Variants in C3orf18 observed in about 807,000 individuals in gnomAD.
C3orf18 encodes the protein uncharacterized protein C3orf18.
C3orf18 carries 12 observed loss-of-function variants against 14.1 expected under a neutral mutation model. That is an observed-to-expected ratio of 0.85 (90% confidence interval 0.55 to 1.38). C3orf18 has a LOEUF of 1.38. Ranked by LOEUF, C3orf18 falls within the 40% of genes most tolerant of loss-of-function variation. The pLI, the probability that C3orf18 is intolerant of heterozygous loss-of-function variation, is 0.00. For missense variants in C3orf18, 196 were observed against 213.9 expected, an observed-to-expected ratio of 0.92 and a Z score of 0.52; for synonymous variants, 82 against 87.9, an observed-to-expected ratio of 0.93 and a Z score of 0.38.
At chr3:50,572,585 G>A (rs1486832391), upstream of C3orf18, among the ~76,000 whole-genome samples, 2 of 152,224 alleles carry the variant, frequency 1.3e-5, no homozygotes, top group Non-Finnish European at 2.9e-5. Context: ...AAGTGGAGAG[G>A]GCTCCAGCCG....
intron 1 of C3orf18, among the ~76,000 whole-genome samples, 188 bp from the exon 2 acceptor site, chr3:50,566,282 A>C (rs114644068): frequency 0.044 from 6,648 of 151,832 alleles, 190 homozygotes; most frequent in Non-Finnish European, 0.068. Context: ...CCTGGAGGGA[A>C]ACACTTGCCC....
upstream of C3orf18, among the ~76,000 whole-genome samples, chr3:50,568,119 T>C (rs1700481325): frequency 6.6e-6 from 1 of 152,212 alleles, no homozygotes; most frequent in South Asian, 2.1e-4. Flanking sequence ...AAACTGCTTT[T>C]CCCTTCCTGA....
chr3:50,558,536 A>G lies in C3orf18; in HGVS notation c.*1121T>C. On this transcript the variant is annotated 3_prime_UTR_variant, in exon 6 of 6. Coordinates refer to ENST00000357203, the MANE Select transcript of C3orf18 (RefSeq NM_016210.5). ...AGGTGGGGAATTCAAACATAGACTA[A>G]GTTTTTTAGATGTTTTTCTGAAGTG... 2.3e-6 allele frequency: 1 copy of G among 433,928 alleles called. No homozygotes were observed. The highest frequency in any genetic ancestry group is 4.0e-6 in the Non-Finnish European group (1 of 252,168). 26.9% of individuals were successfully genotyped at this position (433,928 alleles called of 1,614,324 possible). A position where few individuals can be genotyped will look rare whatever the true frequency, so the allele number is the denominator to read the frequency against.
intron 3 of C3orf18, chr3:50,562,256 A>T (rs1167384449): frequency 2.9e-6 from 1 of 345,766 alleles, no homozygotes; most frequent in Non-Finnish European, 5.6e-6. Context: ...CTGGGGACTC[A>T]AGAGGCTCCC....
rs563809758 is a variant in C3orf18, at chr3:50,566,010, C to T, written c.-167G>A. 8 of 316,736 alleles carry T rather than the reference C, an allele frequency of 2.5e-5. No individual in the cohort carries two copies. Among genetic ancestry groups the T allele is most frequent in the South Asian group, 2.2e-4 (4 of 18,568 alleles). The allele number at this position is 316,736 out of a possible 1,614,324, so 19.6% of individuals were successfully genotyped here. On this transcript the variant is annotated 5_prime_UTR_variant, in exon 2 of 6. Transcript: ENST00000357203. ...AGGAGACATTAGGACACATACTTTA[C>T]GTATCTACGGTGCCCCTGTTTTTGG...
chr3:50,559,256 T>C lies in C3orf18; in HGVS notation c.*401A>G. The C allele has an allele frequency of 7.9e-7, 1 of 1,263,430 alleles. No homozygotes were observed. The highest frequency in any genetic ancestry group is 1.0e-6 in the Non-Finnish European group (1 of 978,904). The allele number at this position is 1,263,430 out of a possible 1,614,324, so 78.3% of individuals were successfully genotyped here. ...GGCTCCAGATTCCAAAAAACAGGTC[T>C]CTCCCTAACAGAGGGAAACCTCCCC... is the stretch of plus-strand genomic sequence containing the variant. On this transcript the variant is annotated 3_prime_UTR_variant, in exon 6 of 6. Transcript: ENST00000357203.
In C3orf18 at chr3:50,559,360, C is replaced by G; in HGVS notation, c.*297G>C. 13 of 1,312,756 alleles carry G rather than the reference C, an allele frequency of 9.9e-6. No individual in the cohort carries two copies. Among genetic ancestry groups the G allele is most frequent in the Non-Finnish European group, 1.3e-5 (13 of 1,022,588 alleles). The allele number at this position is 1,312,756 out of a possible 1,614,324, so 81.3% of individuals were successfully genotyped here. Reference sequence around the variant, plus strand: ...CGGGGCAGACCCTGATGTGAGGGATCTGGACAGGGGATGAGGAAGCCAGCA... The same window carrying G: ...CGGGGCAGACCCTGATGTGAGGGATGTGGACAGGGGATGAGGAAGCCAGCA... On this transcript the variant is annotated 3_prime_UTR_variant, in exon 6 of 6. Coordinates refer to ENST00000357203, the MANE Select transcript of C3orf18 (RefSeq NM_016210.5).
chr3:50,563,575 C>A (rs749040823), intron 3 of C3orf18, among the ~76,000 whole-genome samples: 1 of 152,140 alleles, frequency 6.6e-6, no homozygotes, highest in African/African-American at 2.4e-5. Context: ...CTGCCTGTAC[C>A]AAGCACTTTT....
At position 50,559,036 on chromosome 3, in the gene C3orf18, C is replaced by A; in HGVS notation, c.*621G>T. 2 of 1,289,746 alleles carry A rather than the reference C, an allele frequency of 1.6e-6. No homozygotes were observed. The highest frequency in any genetic ancestry group is 2.5e-5 in the South Asian group (2 of 81,026). The allele number at this position is 1,289,746 out of a possible 1,614,324, so 79.9% of individuals were successfully genotyped here. ...GCTTGGCCCCAGTAACATCTGGTTG[C>A]CAAGGATGGGTGGCTGGGAGACCTC... On this transcript the variant is annotated 3_prime_UTR_variant, in exon 6 of 6. Coordinates refer to ENST00000357203, the MANE Select transcript of C3orf18 (RefSeq NM_016210.5).
rs1214632560 is a variant in C3orf18 at position 50,558,870 on chromosome 3, T to G, written c.*787A>C. Reference sequence around the variant, plus strand: ...GGTGGGGCCAGTGTGGACAATCTCATTCTGCCCGCTGTGCTGGGACAGGCA... The same window carrying G: ...GGTGGGGCCAGTGTGGACAATCTCAGTCTGCCCGCTGTGCTGGGACAGGCA... On this transcript the variant is annotated 3_prime_UTR_variant, in exon 6 of 6. Transcript: ENST00000357203. The G allele has an allele frequency of 7.8e-7, 1 of 1,289,804 alleles. No homozygotes were observed. Among genetic ancestry groups the G allele is most frequent in the Non-Finnish European group, 1.0e-6 (1 of 988,852 alleles). 79.9% of individuals were successfully genotyped at this position (1,289,804 alleles called of 1,614,324 possible).
chr3:50,567,248 G>C (rs1700366124), intron 1 of C3orf18, among the ~76,000 whole-genome samples: 1 of 152,168 alleles, frequency 6.6e-6, no homozygotes, highest in African/African-American at 2.4e-5. Context: ...CCAAAGGAGA[G>C]AAGAGGCCCT....
rs1699843423 is a variant in C3orf18, at chr3:50,559,656, C to T, written c.*1G>A. The stretch of plus-strand genomic sequence containing the variant: ...AGAAGTCCAGGCTTGTCCCAGGCCA[C>T]TCACGCATGGATGGCATTGGCCACA... On this transcript the variant is annotated 3_prime_UTR_variant, in exon 6 of 6. Transcript: ENST00000357203. 3 of 1,576,432 alleles carry T rather than the reference C, an allele frequency of 1.9e-6. No homozygotes were observed. The highest frequency in any genetic ancestry group is 1.8e-5 in the Admixed American group (1 of 54,948).
Position 50,558,928 on chromosome 3 carries a change from C to G in C3orf18, c.*729G>C, listed in dbSNP as rs1229459343. 3 of 1,287,868 alleles carry G rather than the reference C, an allele frequency of 2.3e-6. No individual in the cohort carries two copies. Among genetic ancestry groups the G allele is most frequent in the Non-Finnish European group, 3.0e-6 (3 of 987,492 alleles). 79.8% of individuals were successfully genotyped at this position (1,287,868 alleles called of 1,614,324 possible). On this transcript the variant is annotated 3_prime_UTR_variant, in exon 6 of 6. Coordinates refer to ENST00000357203, the MANE Select transcript of C3orf18 (RefSeq NM_016210.5). ...GCCCATGGGCACACTCATGCACATG[C>G]ATGAGGCCTCTCGGCAGGTCTGGGG...
At chr3:50,571,268 G>C (rs144384951), upstream of C3orf18, 46 of 1,613,124 alleles carry the variant, frequency 2.9e-5, no homozygotes, top group Non-Finnish European at 3.2e-5. Flanking sequence ...TTTGAGAAGA[G>C]GGGTATCCCT....
rs752404167 is a variant in C3orf18, at chr3:50,565,552, G to A, written c.148C>T (p.Pro50Ser). Residue 50 changes from proline (P) to serine (S), a missense_variant, in exon 3 of 6, where the codon CCT becomes TCT. Transcript: ENST00000357203. The surrounding 1 kb of genome is among the most constrained non-coding windows in gnomAD (Gnocchi z 4.4). ...EATTFNDTRIPDAAGGTAGVG... is the reference protein window; with the variant it reads ...EATTFNDTRISDAAGGTAGVG... ...CCGGCCGTGCCACCAGCTGCATCAG[G>A]GATTCTGGTGTCATTAAAGGTGGTG... 5 of 1,613,860 alleles carry A rather than the reference G, an allele frequency of 3.1e-6. No individual in the cohort carries two copies. Among genetic ancestry groups the A allele is most frequent in the Non-Finnish European group, 3.4e-6 (4 of 1,180,022 alleles).
At position 50,561,078 on chromosome 3, in the gene C3orf18, C is replaced by T; in HGVS notation, c.261-14G>A. 6.2e-7 allele frequency: 1 copy of T among 1,612,624 alleles called. No individual in the cohort carries two copies. The highest frequency in any genetic ancestry group is 2.2e-5 in the East Asian group (1 of 44,864). On this transcript the variant is annotated splice_polypyrimidine_tract_variant and intron_variant, in intron 4 of 5. Transcript: ENST00000357203. ...AGCTTCTCCAGCCTGGGGATGGGGG[C>T]AAAGGCTGCTGGGGACAGGGCAGGC...
rs978882477 is a variant in C3orf18, at chr3:50,566,762, G to A, written c.-251-668C>T. ...GGCTGCTAGGGTCAAGGAGAAAGGC[G>A]AGGCAGGAATGGAGCTCCCAGTGTG... On this transcript the variant is annotated intron_variant, in intron 1 of 5. Transcript: ENST00000357203. Among the ~76,000 whole-genome samples the A allele has an allele frequency of 4.6e-5, 7 of 152,154 alleles. No individual in the cohort carries two copies. The East Asian group carries it at 1.2e-3, about 25-fold the overall frequency.
upstream of C3orf18, chr3:50,571,907 G>T: frequency 7.4e-7 from 1 of 1,352,808 alleles, no homozygotes; most frequent in South Asian, 1.2e-5. Flanking sequence ...AAGGACTAGG[G>T]AGGTGTTGGG....
upstream of C3orf18, chr3:50,571,088 G>A: frequency 6.4e-7 from 1 of 1,563,388 alleles, no homozygotes; most frequent in Non-Finnish European, 8.7e-7. Flanking sequence ...GCACTCTGGA[G>A]AACCTTTCCC....
Sources: allele counts gnomAD v4.1 joint callset (sites outside exome capture counted in the v4.1 genomes callset), GRCh38; gene constraint gnomAD v4.1.1; non-coding constraint Gnocchi (gnomAD v3.1); transcripts MANE v1.5; gene names NCBI Gene and HGNC (gene_info 2026-07-23, HGNC 2026-07-21).